Variants in GSTP1 observed in about 807,000 individuals in gnomAD.
The protein encoded by GSTP1 is glutathione S-transferase pi 1.
A neutral mutation model predicts 29.4 loss-of-function variants in GSTP1; 28 were observed. The observed-to-expected ratio is 0.95, with a 90% CI of 0.71 to 1.30. GSTP1 has a LOEUF of 1.30. Ranked by LOEUF, GSTP1 falls within the 50% of genes most tolerant of loss-of-function variation. The pLI, the probability that GSTP1 is intolerant of heterozygous loss-of-function variation, is 0.00. For synonymous variants in GSTP1, 122 were observed against 117.0 expected, an observed-to-expected ratio of 1.04 and a Z score of -0.28; for missense variants, 267 against 266.1, an observed-to-expected ratio of 1.00 and a Z score of -0.02.
rs933359645 is a variant in GSTP1 at position 67,583,858 on chromosome 11, G to C, written c.1+14G>C. 1 of 745,334 alleles carries C rather than the reference G, an allele frequency of 1.3e-6. No homozygotes were observed. The highest frequency in any genetic ancestry group is 1.7e-5 in the African/African-American group (1 of 58,702). The allele number at this position is 745,334 out of a possible 1,614,324, so 46.2% of individuals were successfully genotyped here. ...TCTTCGCCACCAGTGAGTACGCGCG[G>C]CCCGCGTCCCCGGGGATGGGGCTCA... On this transcript the variant is annotated intron_variant, in intron 1 of 6. Coordinates refer to ENST00000398606, the MANE Select transcript of GSTP1 (RefSeq NM_000852.4).
At chr11:67,586,356 G>T (rs372139239) in intron 6 of GSTP1, 33 bp from the exon 7 acceptor site, 2 of 1,595,554 alleles carry the variant, frequency 1.3e-6, no homozygotes, top group African/African-American at 2.7e-5. Flanking sequence ...GCCTGCTCCC[G>T]CTGGCTGAGT....
Position 67,586,533 on chromosome 11 carries a change from C to G in GSTP1, c.589C>G (p.Pro197Ala), listed in dbSNP as rs191595383. 339 of 1,614,152 alleles carry G rather than the reference C, an allele frequency of 2.1e-4. 1 individual carries two copies. The Middle Eastern group carries it at 2.1e-3, about 10-fold the overall frequency. Residue 197 changes from proline to alanine, a missense_variant, in exon 7 of 7, where the codon CCT becomes GCT. Physicochemically the swap from Pro to Ala is conservative, Grantham distance 27. Transcript: ENST00000398606. ...RPKLKAFLAS[P>A]EYVNLPINGN... The stretch of plus-strand genomic sequence containing the variant: ...CAAGCTCAAGGCCTTCCTGGCCTCC[C>G]CTGAGTACGTGAACCTCCCCATCAA...
chr11:67,586,528 C>A lies in GSTP1; in HGVS notation c.584C>A (p.Ala195Asp). ...SARPKLKAFL[A>D]SPEYVNLPIN... ...CGGCCCAAGCTCAAGGCCTTCCTGG[C>A]CTCCCCTGAGTACGTGAACCTCCCC... Residue 195 changes from alanine to aspartate, a missense_variant, in exon 7 of 7, where the codon GCC becomes GAC. Ala to Asp is a moderately radical substitution (Grantham distance 126, BLOSUM62 -2). Transcript: ENST00000398606. The A allele has an allele frequency of 6.2e-7, 1 of 1,614,190 alleles. No individual in the cohort carries two copies.
At chr11:67,584,104 C>T (rs763158028) in intron 1 of GSTP1, 30 bp from the exon 2 acceptor site, 23 of 1,597,322 alleles carry the variant, frequency 1.4e-5, no homozygotes, top group Admixed American at 3.3e-5. Context: ...CTCCCCCGGG[C>T]TCCAGCAAAC....
intron 2 of GSTP1, 33 bp downstream of exon 2, chr11:67,584,202 AGGGGCT>A (rs1392001458): frequency 1.3e-6 from 2 of 1,572,732 alleles, no homozygotes; most frequent in Non-Finnish European, 1.7e-6. Context: ...GAAGGGAGGC[AGGGGCT>A]GGGGCTGCAG....
intron 5 of GSTP1, 66 bp downstream of exon 5, chr11:67,585,307 C>G (rs1192749849): frequency 1.3e-5 from 14 of 1,084,438 alleles, no homozygotes; most frequent in Non-Finnish European, 1.7e-5. Flanking sequence ...TGTGCCCTCA[C>G]CCCCCTTACC....
intron 5 of GSTP1, 80 bp downstream of exon 5, chr11:67,585,321 C>A: frequency 9.9e-7 from 1 of 1,013,846 alleles, no homozygotes; most frequent in Non-Finnish European, 1.5e-6. Context: ...CCTTACCCCT[C>A]AGGTGGCTTG....
rs1237280319 is a variant in GSTP1, at chr11:67,585,178, C to G, written c.273C>G (p.Asp91Glu). The change falls in exon 5 of 7, where the codon GAC becomes GAG. Residue 91 changes from aspartate to glutamate, a missense_variant. By Grantham distance (45) the Asp-to-Glu change is conservative (BLOSUM62 2). Transcript: ENST00000398606. ...ACCAGCAGGAGGCAGCCCTGGTGGACATGGTGAATGACGGCGTGGAGGACC... is the reference window on the plus strand; with the variant it reads ...ACCAGCAGGAGGCAGCCCTGGTGGAGATGGTGAATGACGGCGTGGAGGACC... ...GKDQQEAALV[D>E]MVNDGVEDLR... 2 of 1,613,842 alleles carry G rather than the reference C, an allele frequency of 1.2e-6. No homozygotes were observed. Among genetic ancestry groups the G allele is most frequent in the Non-Finnish European group, 1.7e-6 (2 of 1,179,744 alleles).
Position 67,584,926 on chromosome 11 carries a change from C to T in GSTP1, c.232+154C>T, listed in dbSNP as rs1438206952. On this transcript the variant is annotated intron_variant, in intron 4 of 6. Transcript: ENST00000398606. ...TTTGCCCAAGGTCAAGCCTGGGTGC[C>T]TGCAATCCTTGCCCTGTGCCAGGCT... 8 of 681,000 alleles carry T rather than the reference C, an allele frequency of 1.2e-5. No homozygotes were observed. The East Asian group carries it at 2.2e-4, about 18-fold the overall frequency. The allele number at this position is 681,000 out of a possible 1,614,324, so 42.2% of individuals were successfully genotyped here.
At position 67,583,845 on chromosome 11, in the gene GSTP1, G is replaced by A. The variant is rs1286087515; in HGVS notation, c.1+1G>A. The A allele has an allele frequency of 2.7e-6, 2 of 749,110 alleles. No homozygotes were observed. Among genetic ancestry groups the A allele is most frequent in the Non-Finnish European group, 4.9e-6 (2 of 406,066 alleles). The allele number at this position is 749,110 out of a possible 1,614,324, so 46.4% of individuals were successfully genotyped here. On this transcript the variant is annotated splice_donor_variant, in intron 1 of 6. Coordinates refer to ENST00000398606, the MANE Select transcript of GSTP1 (RefSeq NM_000852.4). LOFTEE classifies it high-confidence loss of function. The stretch of plus-strand genomic sequence containing the variant: ...TTCGCCGCCGCAGTCTTCGCCACCA[G>A]TGAGTACGCGCGGCCCGCGTCCCCG...
In GSTP1 at chr11:67,584,137, C is replaced by G. The variant is rs748870439; in HGVS notation, c.5C>G (p.Pro2Arg). 2 of 1,612,452 alleles carry G rather than the reference C, an allele frequency of 1.2e-6. No individual in the cohort carries two copies. Among genetic ancestry groups the G allele is most frequent in the Non-Finnish European group, 1.7e-6 (2 of 1,178,610 alleles). Residue 2 changes from proline to arginine, a missense_variant, in exon 2 of 7, where the codon CCG (proline) becomes CGG (arginine). Transcript: ENST00000398606. M[P>R]PYTVVYFPVR... ...AACTTTTCTTTGTTCGCTGCAGTGC[C>G]GCCCTACACCGTGGTCTATTTCCCA...
chr11:67,584,305 C>A, intron 2 of GSTP1, 136 bp downstream of exon 2: 1 of 734,756 alleles, frequency 1.4e-6, no homozygotes, highest in Non-Finnish European at 2.3e-6. Flanking sequence ...TTCCTGTTCC[C>A]CGCCTCTCCC....
chr11:67,584,579 C>G lies in GSTP1; in HGVS notation c.144+9C>G. On this transcript the variant is annotated intron_variant, in intron 3 of 6. Coordinates refer to ENST00000398606, the MANE Select transcript of GSTP1 (RefSeq NM_000852.4). Reference sequence around the variant, plus strand: ...CACTCAAAGCCTCCTGCGTAAGTGACCATGCCCGGGCAAGGGGAGGGGGTG... The same window carrying G: ...CACTCAAAGCCTCCTGCGTAAGTGAGCATGCCCGGGCAAGGGGAGGGGGTG... 6.3e-7 allele frequency: 1 copy of G among 1,590,844 alleles called. No homozygotes were observed.
In GSTP1 at chr11:67,584,481, C is replaced by T. The variant is rs1354173738; in HGVS notation, c.55C>T (p.Arg19Cys). Residue 19 changes from arginine (R) to cysteine (C), a missense_variant, in exon 3 of 7, where the codon CGC becomes TGC. Arg to Cys is a radical substitution (Grantham distance 180, BLOSUM62 -3). Coordinates refer to ENST00000398606, the MANE Select transcript of GSTP1 (RefSeq NM_000852.4). ...FPVRGRCAALRMLLADQGQSW... is the reference protein window; with the variant it reads ...FPVRGRCAALCMLLADQGQSW... Reference sequence around the variant, plus strand: ...CCCCGCAGGCCGCTGCGCGGCCCTGCGCATGCTGCTGGCAGATCAGGGCCA... The same window carrying T: ...CCCCGCAGGCCGCTGCGCGGCCCTGTGCATGCTGCTGGCAGATCAGGGCCA... The T allele has an allele frequency of 3.2e-6, 5 of 1,546,994 alleles. No homozygotes were observed. The highest frequency in any genetic ancestry group is 2.0e-5 in the Admixed American group (1 of 49,874).
intron 5 of GSTP1, 29 bp from the exon 6 acceptor site, chr11:67,586,075 G>A (rs1019458285): frequency 1.3e-6 from 2 of 1,540,520 alleles, no homozygotes; most frequent in South Asian, 1.1e-5. Context: ...AGGGATGAGA[G>A]TAGGATGATA....
Position 67,583,829 on chromosome 11 carries a change from G to A in GSTP1, c.-15G>A. The A allele has an allele frequency of 1.3e-6, 1 of 744,904 alleles. No individual in the cohort carries two copies. Among genetic ancestry groups the A allele is most frequent in the Admixed American group, 1.8e-5 (1 of 54,494 alleles). The allele number at this position is 744,904 out of a possible 1,614,324, so 46.1% of individuals were successfully genotyped here. ...AGGCCTTCGCTGGAGTTTCGCCGCC[G>A]CAGTCTTCGCCACCAGTGAGTACGC... is the stretch of plus-strand genomic sequence containing the variant. On this transcript the variant is annotated 5_prime_UTR_variant, in exon 1 of 7. Coordinates refer to ENST00000398606, the MANE Select transcript of GSTP1 (RefSeq NM_000852.4).
chr11:67,584,872 G>A, intron 4 of GSTP1, 100 bp downstream of exon 4: 1 of 928,390 alleles, frequency 1.1e-6, no homozygotes, highest in Non-Finnish European at 1.7e-6. Flanking sequence ...CTGGAGTGGA[G>A]GAAACTGAGA....
At chr11:67,584,888 T>A in intron 4 of GSTP1, 116 bp downstream of exon 4, 1 of 828,192 alleles carries the variant, frequency 1.2e-6, no homozygotes, top group South Asian at 1.5e-5. Flanking sequence ...TGAGACCCAC[T>A]GAGGTTACGT....
In GSTP1 at chr11:67,584,159, C is replaced by T; in HGVS notation, c.27C>T (p.Phe9=). The T allele has an allele frequency of 6.2e-7, 1 of 1,612,952 alleles. No individual in the cohort carries two copies. The highest frequency in any genetic ancestry group is 8.5e-7 in the Non-Finnish European group (1 of 1,179,024). MPPYTVVY[F]PVRGRCAALR... Reference sequence around the variant, plus strand: ...TGCCGCCCTACACCGTGGTCTATTTCCCAGTTCGAGGTAGGAGCATGTGTC... The same window carrying T: ...TGCCGCCCTACACCGTGGTCTATTTTCCAGTTCGAGGTAGGAGCATGTGTC... Residue 9 remains phenylalanine, a synonymous_variant, in exon 2 of 7, where the codon TTC becomes TTT. Transcript: ENST00000398606.
Sources: allele counts gnomAD v4.1 joint callset, GRCh38; gene constraint gnomAD v4.1.1; transcripts MANE v1.5; gene names NCBI Gene and HGNC (gene_info 2026-07-23, HGNC 2026-07-21).